The following ASIC2 variants were observed in gnomAD, a reference collection of about 807,000 sequenced individuals.
ASIC2 encodes acid sensing ion channel subunit 2, also known as acid-sensing ion channel 2.
ASIC2 carries 25 observed loss-of-function variants against 57.3 expected under a neutral mutation model. The observed-to-expected ratio is 0.44, with a 90% CI of 0.32 to 0.61. The LOEUF is 0.61. ASIC2 is among the 20% of genes least tolerant of loss of function. The probability of loss-of-function intolerance (pLI) is 0.06; values close to 1 mark genes in which losing one functional copy is unlikely to be tolerated. For missense variants in ASIC2, 641 were observed against 738.1 expected (o/e 0.87, Z 1.52); for synonymous variants, 319 against 307.5 (o/e 1.04, Z -0.39).
chr17:33,360,364 C>T (rs892373124), intron 1 of ASIC2, among the ~76,000 whole-genome samples: 4 of 152,262 alleles, frequency 2.6e-5, no homozygotes, highest in South Asian at 4.2e-4. Flanking sequence ...TGAAACTGGA[C>T]CTGCCTTGTT....
chr17:33,325,783 G>C (rs540809988), intron 1 of ASIC2, among the ~76,000 whole-genome samples: 10 of 152,108 alleles, frequency 6.6e-5, no homozygotes, highest in Non-Finnish European at 1.5e-4. Context: ...AGGGGCAGTG[G>C]TGATGGGAAA....
chr17:33,673,837 G>A (rs531515175), intron 1 of ASIC2, among the ~76,000 whole-genome samples: 4 of 152,018 alleles, frequency 2.6e-5, no homozygotes, highest in African/African-American at 4.8e-5. Context: ...GTGGGCAAGT[G>A]AGACCTGTCC....
Position 33,943,892 on chromosome 17 carries a change from G to A in ASIC2, c.555+212086C>T, listed in dbSNP as rs191732948. Reference sequence around the variant, plus strand: ...AGATTCAGGGAGTTCTGTGCTTGCAGTTTCTTCTTCTGATTCACCCTCGGA... The same window carrying A: ...AGATTCAGGGAGTTCTGTGCTTGCAATTTCTTCTTCTGATTCACCCTCGGA... On this transcript the variant is annotated intron_variant, in intron 1 of 9. Transcript: ENST00000359872. Among the ~76,000 whole-genome samples, 23 of 152,150 alleles carry A rather than the reference G, an allele frequency of 1.5e-4. No individual in the cohort carries two copies. The East Asian group carries it at 3.7e-3, about 24-fold the overall frequency.
intron 1 of ASIC2, among the ~76,000 whole-genome samples, chr17:33,919,006 G>C (rs1395157252): frequency 6.6e-6 from 1 of 152,324 alleles, no homozygotes; most frequent in East Asian, 1.9e-4. Context: ...ATGACCTGGG[G>C]TGAAGGATTG....
At chr17:34,139,339 T>C (rs1234957497) in intron 1 of ASIC2, among the ~76,000 whole-genome samples, 1 of 152,190 alleles carries the variant, frequency 6.6e-6, no homozygotes, top group African/African-American at 2.4e-5. Context: ...AATTAAGTGA[T>C]ACCACATGGA....
At chr17:33,883,613 C>T (rs1040803258) in intron 1 of ASIC2, among the ~76,000 whole-genome samples, 7 of 152,244 alleles carry the variant, frequency 4.6e-5, no homozygotes, top group South Asian at 4.1e-4. Context: ...TCTTCTCAGC[C>T]CCAGATGCAC....
At chr17:33,631,110 G>A (rs552670193) in intron 1 of ASIC2, among the ~76,000 whole-genome samples, 1 of 152,294 alleles carries the variant, frequency 6.6e-6, no homozygotes, top group South Asian at 2.1e-4. Flanking sequence ...GGCCCAAGAA[G>A]ACACTGCCAC....
intron 1 of ASIC2, among the ~76,000 whole-genome samples, chr17:33,804,508 C>T (rs1424929825): frequency 1.3e-5 from 2 of 152,132 alleles, no homozygotes; most frequent in South Asian, 4.1e-4. Context: ...GAAAAAAGAA[C>T]CAGAGGTTAA....
intron 1 of ASIC2, among the ~76,000 whole-genome samples, chr17:33,858,462 A>T (rs1040057878): frequency 6.6e-6 from 1 of 152,200 alleles, no homozygotes; most frequent in Non-Finnish European, 1.5e-5. Context: ...TCAACTACAG[A>T]AATGAATTTT....
At chr17:33,016,778 G>T (rs1389212002) in intron 8 of ASIC2, among the ~76,000 whole-genome samples, 1 of 151,922 alleles carries the variant, frequency 6.6e-6, no homozygotes, top group East Asian at 1.9e-4. Flanking sequence ...CCTGTTTGGG[G>T]GACTTCATAG....
intron 3 of ASIC2, among the ~76,000 whole-genome samples, chr17:33,037,389 CTTT>C (rs35286664): frequency 1.1e-3 from 140 of 123,778 alleles, no homozygotes; most frequent in African/African-American, 2.2e-3. Flanking sequence ...ACTTCCCCCT[CTTT>C]TTTTTTTTTT....
intron 1 of ASIC2, among the ~76,000 whole-genome samples, chr17:33,845,596 G>A (rs967291935): frequency 2.0e-5 from 3 of 151,996 alleles, no homozygotes; most frequent in East Asian, 3.9e-4. Flanking sequence ...GAGAAATGGC[G>A]ATAATGGAGT....
chr17:33,096,382 C>G (rs1340966630), intron 2 of ASIC2, among the ~76,000 whole-genome samples: 1 of 152,302 alleles, frequency 6.6e-6, no homozygotes, highest in East Asian at 1.9e-4. Flanking sequence ...GGAGTTTTAA[C>G]TAAATCATGT....
chr17:33,840,799 C>CCACACACACACACACA (rs10525634), intron 1 of ASIC2, among the ~76,000 whole-genome samples: 10,721 of 147,404 alleles, frequency 0.073, 597 homozygotes, highest in East Asian at 0.27. Flanking sequence ...CCTGGACACA[C>CCACACACACACACACA]CACACACACA....
chr17:33,200,659 T>C (rs1407334416), intron 1 of ASIC2, among the ~76,000 whole-genome samples: 1 of 152,186 alleles, frequency 6.6e-6, no homozygotes, highest in Admixed American at 6.5e-5. Flanking sequence ...ATATGGCCCC[T>C]TCTTATCACC....
At chr17:33,421,978 C>G (rs1043176797) in intron 1 of ASIC2, among the ~76,000 whole-genome samples, 5 of 152,206 alleles carry the variant, frequency 3.3e-5, no homozygotes, top group African/African-American at 1.2e-4. Context: ...TTTGGACAGA[C>G]CTCGACTTGG....
intron 1 of ASIC2, among the ~76,000 whole-genome samples, chr17:33,770,160 G>C (rs148098134): frequency 6.6e-6 from 1 of 152,192 alleles, no homozygotes; most frequent in Non-Finnish European, 1.5e-5. Flanking sequence ...CAGCTCTGTG[G>C]TGGAATGTGG....
chr17:33,294,474 C>T (rs1388867761), upstream of ASIC2, among the ~76,000 whole-genome samples: 4 of 152,144 alleles, frequency 2.6e-5, no homozygotes, highest in East Asian at 1.9e-4. Context: ...TGGGCTTTCC[C>T]TCCCCACTGA....
intron 1 of ASIC2, among the ~76,000 whole-genome samples, chr17:33,660,760 T>C (rs2142044473): frequency 6.6e-6 from 1 of 152,338 alleles, no homozygotes; most frequent in Admixed American, 6.5e-5. Flanking sequence ...TCACCTCTGT[T>C]AGACTCTTAC....
Sources: allele counts gnomAD v4.1 joint callset (sites outside exome capture counted in the v4.1 genomes callset), GRCh38; gene constraint gnomAD v4.1.1; transcripts MANE v1.5; gene names NCBI Gene and HGNC (gene_info 2026-07-23, HGNC 2026-07-21).